PTPRD: variants seen among roughly 807,000 people sequenced by gnomAD.
PTPRD encodes the protein receptor-type tyrosine-protein phosphatase delta.
A neutral mutation model predicts 214.5 loss-of-function variants in PTPRD; 34 were observed. That is an observed-to-expected ratio of 0.16 (90% CI 0.12 to 0.21). The LOEUF is 0.21. Among genes scored for constraint, PTPRD ranks in the 10% least tolerant of loss-of-function variants. PTPRD has a pLI of 1.00. For synonymous variants in PTPRD, 1,128 were observed against 845.7 expected (o/e 1.33, Z -5.79); for missense variants, 2,545 against 2,398.7 (o/e 1.06, Z -1.27).
chr9:9,491,331 G>T (rs1275780832), intron 8 of PTPRD, among the ~76,000 whole-genome samples: 1 of 151,914 alleles, frequency 6.6e-6, no homozygotes. Context: ...GGAAGAAATA[G>T]TTCTACGATA....
At chr9:8,843,235 A>G (rs182014748) in intron 11 of PTPRD, among the ~76,000 whole-genome samples, 29 of 152,338 alleles carry the variant, frequency 1.9e-4, no homozygotes, top group African/African-American at 6.7e-4. Context: ...TGTACTTCAC[A>G]TCGGGCTGGT....
At chr9:9,145,536 A>C (rs1413481493) in intron 10 of PTPRD, among the ~76,000 whole-genome samples, 6 of 152,206 alleles carry the variant, frequency 3.9e-5, no homozygotes, top group Non-Finnish European at 8.8e-5. Flanking sequence ...AAAAAGATAT[A>C]AACTAAACTC....
At chr9:8,852,620 C>A (rs1341985929) in intron 11 of PTPRD, among the ~76,000 whole-genome samples, 1 of 152,210 alleles carries the variant, frequency 6.6e-6, no homozygotes, top group Admixed American at 6.5e-5. Flanking sequence ...TGCTGGTATA[C>A]ATGACCTACT....
chr9:8,787,698 G>C (rs1355597786), intron 11 of PTPRD, among the ~76,000 whole-genome samples: 1 of 152,022 alleles, frequency 6.6e-6, no homozygotes, highest in Non-Finnish European at 1.5e-5. Flanking sequence ...AGGAAGGAGA[G>C]ATGGGACAGG....
chr9:8,627,617 A>C (rs915233736), intron 14 of PTPRD, among the ~76,000 whole-genome samples: 1 of 151,922 alleles, frequency 6.6e-6, no homozygotes, highest in Non-Finnish European at 1.5e-5. Flanking sequence ...ACATGATCTC[A>C]GTGTGGCAAA....
At chr9:9,202,239 C>T (rs2099942295) in intron 9 of PTPRD, among the ~76,000 whole-genome samples, 1 of 152,174 alleles carries the variant, frequency 6.6e-6, no homozygotes, top group Non-Finnish European at 1.5e-5. Flanking sequence ...TCTATTATAA[C>T]ACAAATCTTA....
chr9:8,802,140 C>T lies in PTPRD; in HGVS notation c.-103-68194G>A, dbSNP rs1417726703. ...TGTAGGCTTTTTCAGAGCCCTGGTC[C>T]TTCCATCCCCCCATAGTCACAGATT... On this transcript the variant is annotated intron_variant, in intron 11 of 45. Coordinates refer to ENST00000381196, the MANE Select transcript of PTPRD (RefSeq NM_002839.4). Among the ~76,000 whole-genome samples the T allele has an allele frequency of 2.6e-5, 4 of 152,214 alleles. No individual in the cohort carries two copies. The South Asian group carries it at 8.3e-4, about 32-fold the overall frequency.
At chr9:9,493,937 C>A (rs62533229) in intron 8 of PTPRD, among the ~76,000 whole-genome samples, 1 of 151,716 alleles carries the variant, frequency 6.6e-6, no homozygotes, top group Non-Finnish European at 1.5e-5. Context: ...ATTCCAAATG[C>A]TATTAAGAAC....
chr9:10,578,989 G>A (rs915377564), intron 2 of PTPRD, among the ~76,000 whole-genome samples: 4 of 152,152 alleles, frequency 2.6e-5, no homozygotes, highest in East Asian at 1.9e-4. Flanking sequence ...ATGTGCCATG[G>A]TGATTTGCTG....
At chr9:10,128,666 G>C (rs1318183312) in intron 3 of PTPRD, among the ~76,000 whole-genome samples, 1 of 152,064 alleles carries the variant, frequency 6.6e-6, no homozygotes, top group Non-Finnish European at 1.5e-5. Flanking sequence ...AACACACTAA[G>C]CACATTGCCA....
chr9:8,442,266 A>G (rs1353282842), intron 34 of PTPRD, among the ~76,000 whole-genome samples: 1 of 152,242 alleles, frequency 6.6e-6, no homozygotes, highest in Non-Finnish European at 1.5e-5. Context: ...CTGTTTTACT[A>G]AGTCAGTAAG....
intron 9 of PTPRD, among the ~76,000 whole-genome samples, chr9:9,243,634 G>A (rs1301954871): frequency 2.0e-5 from 3 of 152,110 alleles, no homozygotes; most frequent in Non-Finnish European, 4.4e-5. Context: ...TTGATGGAAC[G>A]TATCTGAAAA....
At chr9:10,520,557 G>C (rs1009773279) in intron 2 of PTPRD, among the ~76,000 whole-genome samples, 9 of 152,200 alleles carry the variant, frequency 5.9e-5, no homozygotes, top group African/African-American at 2.2e-4. Context: ...CTCACCAATA[G>C]ATTTTTAATT....
intron 44 of PTPRD, among the ~76,000 whole-genome samples, chr9:8,320,743 A>C (rs1033337222): frequency 2.6e-5 from 4 of 152,104 alleles, no homozygotes; most frequent in African/African-American, 9.7e-5. Flanking sequence ...AAAGGTTTTG[A>C]GTTTCTCTCT....
intron 12 of PTPRD, among the ~76,000 whole-genome samples, chr9:8,710,623 A>C (rs758191694): frequency 1.3e-5 from 2 of 152,216 alleles, no homozygotes; most frequent in Non-Finnish European, 2.9e-5. Flanking sequence ...CTCAAAAAAT[A>C]AATAAATAAA....
intron 11 of PTPRD, among the ~76,000 whole-genome samples, chr9:8,912,180 T>C (rs949462853): frequency 1.3e-5 from 2 of 152,194 alleles, no homozygotes; most frequent in African/African-American, 4.8e-5. Flanking sequence ...AATAAAAATA[T>C]ATGTCCATGT....
At chr9:10,067,001 T>C (rs1473966186) in intron 3 of PTPRD, among the ~76,000 whole-genome samples, 2 of 151,678 alleles carry the variant, frequency 1.3e-5, no homozygotes, top group Admixed American at 6.6e-5. Context: ...GAAGATGTTC[T>C]CTAGAGTGCA....
At chr9:8,566,138 G>GTGTGTGTGTC (rs2089053426) in intron 14 of PTPRD, among the ~76,000 whole-genome samples, 1 of 148,326 alleles carries the variant, frequency 6.7e-6, no homozygotes, top group East Asian at 2.0e-4. Flanking sequence ...GTGTGTGTGT[G>GTGTGTGTGTC]TGTATAGCAA....
At chr9:8,725,960 T>C (rs1404093009) in intron 12 of PTPRD, among the ~76,000 whole-genome samples, 2 of 151,770 alleles carry the variant, frequency 1.3e-5, no homozygotes, top group Non-Finnish European at 2.9e-5. Context: ...GCCCACACTG[T>C]TTAAAATTTT....
Sources: allele counts gnomAD v4.1 joint callset (sites outside exome capture counted in the v4.1 genomes callset), GRCh38; gene constraint gnomAD v4.1.1; transcripts MANE v1.5; gene names NCBI Gene and HGNC (gene_info 2026-07-23, HGNC 2026-07-21).